RAB37: variants seen among roughly 807,000 people sequenced by gnomAD.
The protein encoded by RAB37 is RAB37, member RAS oncogene family, also known as ras-related protein Rab-37.
A neutral mutation model predicts 33.1 loss-of-function variants in RAB37; 29 were observed. That is an observed-to-expected ratio of 0.88 (90% confidence interval 0.65 to 1.20). The LOEUF is 1.20. Ranked by LOEUF, RAB37 falls within the 50% of genes most tolerant of loss-of-function variation. The probability of loss-of-function intolerance (pLI) is 0.00; values close to 1 mark genes in which losing one functional copy is unlikely to be tolerated. For synonymous variants in RAB37, 128 were observed against 119.5 expected (o/e 1.07, Z -0.47); for missense variants, 299 against 301.1 (o/e 0.99, Z 0.05).
intron 1 of RAB37, among the ~76,000 whole-genome samples, chr17:74,710,252 G>A (rs1361733190): frequency 6.6e-6 from 1 of 152,170 alleles, no homozygotes; most frequent in African/African-American, 2.4e-5. Flanking sequence ...TGGGATTACA[G>A]GCGTGAGCCA....
At chr17:74,696,061 C>T in intron 1 of RAB37, 10 of 1,313,154 alleles carry the variant, frequency 7.6e-6, no homozygotes, top group Non-Finnish European at 1.1e-5. Context: ...CCCCCAGGCC[C>T]TGCAGGGTGC....
chr17:74,721,582 G>A (rs528012735), intron 1 of RAB37, among the ~76,000 whole-genome samples: 15 of 152,096 alleles, frequency 9.9e-5, no homozygotes, highest in East Asian at 5.8e-4. Flanking sequence ...ACAGGTGCAC[G>A]TCACCATGCC....
chr17:74,696,004 C>G, intron 1 of RAB37: 1 of 1,262,566 alleles, frequency 7.9e-7, no homozygotes, highest in South Asian at 1.4e-5. Flanking sequence ...TTCTCAGGCT[C>G]CTGTACCCCT....
chr17:74,732,661 ATG>A (rs2034402957), upstream of RAB37, among the ~76,000 whole-genome samples: 1 of 30,358 alleles, frequency 3.3e-5, no homozygotes, highest in South Asian at 9.6e-4. Flanking sequence ...GTGTGATTTG[ATG>A]TGTGTGTATG....
intron 1 of RAB37, among the ~76,000 whole-genome samples, chr17:74,715,501 GC>G: frequency 6.6e-6 from 1 of 152,332 alleles, no homozygotes; most frequent in East Asian, 1.9e-4. Context: ...AGAGCAATCA[GC>G]CCTCTGCAGT....
At chr17:74,699,965 A>G (rs1435937976) in intron 1 of RAB37, among the ~76,000 whole-genome samples, 1 of 151,652 alleles carries the variant, frequency 6.6e-6, no homozygotes, top group Non-Finnish European at 1.5e-5. Flanking sequence ...ACATGGTGAA[A>G]CTCCGTCTCT....
chr17:74,701,077 C>T (rs550563060), intron 1 of RAB37, among the ~76,000 whole-genome samples: 4 of 152,188 alleles, frequency 2.6e-5, no homozygotes, highest in African/African-American at 7.2e-5. Flanking sequence ...TGATCTCAGA[C>T]TTTTAGCCTC....
intron 1 of RAB37, among the ~76,000 whole-genome samples, chr17:74,700,671 G>C (rs1195930956): frequency 6.6e-6 from 1 of 152,058 alleles, no homozygotes; most frequent in Non-Finnish European, 1.5e-5. Context: ...AGAATCGCTT[G>C]AACCTGGGAG....
At chr17:74,732,738 G>A (rs796867307), upstream of RAB37, among the ~76,000 whole-genome samples, 1 of 43,070 alleles carries the variant, frequency 2.3e-5, no homozygotes, top group East Asian at 6.7e-4. Context: ...TGTGATTTGA[G>A]GTGTGTGTGA....
chr17:74,699,075 C>T (rs1598219342), intron 1 of RAB37, among the ~76,000 whole-genome samples: 1 of 152,082 alleles, frequency 6.6e-6, no homozygotes, highest in African/African-American at 2.4e-5. Context: ...CCCACCACCA[C>T]ACCTAGCTAA....
intron 1 of RAB37, chr17:74,694,194 G>A (rs2032231781): frequency 1.3e-5 from 2 of 152,144 alleles, no homozygotes; most frequent in South Asian, 4.1e-4. Flanking sequence ...TAATAGAAGT[G>A]CCTCATGGTT....
chr17:74,698,249 C>A (rs1180230426), intron 1 of RAB37: 3 of 761,636 alleles, frequency 3.9e-6, no homozygotes, highest in Non-Finnish European at 4.4e-6. Context: ...CTGCTGAGGG[C>A]CTTTGGGACT....
At chr17:74,733,338 G>A (rs2034415639), upstream of RAB37, among the ~76,000 whole-genome samples, 1 of 152,114 alleles carries the variant, frequency 6.6e-6, no homozygotes, top group South Asian at 2.1e-4. Flanking sequence ...TATAATGTAG[G>A]GTGTGAGGCA....
Position 74,697,055 on chromosome 17 carries a change from C to T in RAB37, c.72+25397C>T, listed in dbSNP as rs1265845006. On this transcript the variant is annotated intron_variant, in intron 1 of 7. Coordinates refer to the RAB37 transcript ENST00000340415. The stretch of plus-strand genomic sequence containing the variant: ...CTCCTGGGTTCAAGCGATTCTCCTG[C>T]CTTAGCCTCCTGAGTAGCTGGAACT... 1.3e-5 allele frequency among the ~76,000 whole-genome samples: 2 copies of T among 152,194 alleles called. 1 individual carries two copies.
intron 1 of RAB37, among the ~76,000 whole-genome samples, chr17:74,728,363 G>T (rs1210864142): frequency 2.6e-5 from 4 of 151,706 alleles, no homozygotes; most frequent in African/African-American, 7.3e-5. Context: ...GTGTTTGTGT[G>T]TGTAGATGTT....
intron 1 of RAB37, among the ~76,000 whole-genome samples, chr17:74,699,666 T>C (rs1335776405): frequency 6.6e-6 from 1 of 152,132 alleles, no homozygotes; most frequent in Non-Finnish European, 1.5e-5. Context: ...GCAACAGCCC[T>C]GGTGACACCT....
intron 1 of RAB37, among the ~76,000 whole-genome samples, chr17:74,690,181 A>G (rs1453278552): frequency 6.6e-6 from 1 of 152,098 alleles, no homozygotes; most frequent in Admixed American, 6.5e-5. Context: ...GGCTGGTCTC[A>G]AACTCCTGGG....
intron 1 of RAB37, chr17:74,712,786 C>T (rs764895961): frequency 1.9e-6 from 3 of 1,613,182 alleles, no homozygotes; most frequent in Non-Finnish European, 2.5e-6. Context: ...CTCCTGCTTG[C>T]TAAGCTTCCC....
chr17:74,691,201 G>C (rs892356422), intron 1 of RAB37, among the ~76,000 whole-genome samples: 7 of 152,154 alleles, frequency 4.6e-5, no homozygotes, highest in Admixed American at 6.5e-5. Flanking sequence ...AGGTCTCCCT[G>C]TGTTGCCCAG....
Sources: gnomAD v4.1 joint callset for allele counts (sites outside exome capture counted in the v4.1 genomes callset) on GRCh38, gnomAD v4.1.1 for gene constraint, MANE v1.5 for transcripts, NCBI Gene and HGNC (gene_info 2026-07-23, HGNC 2026-07-21) for gene names.